The following RAF1 variants were observed in gnomAD, a reference collection of about 807,000 sequenced individuals.
RAF1 encodes the protein RAF proto-oncogene serine/threonine-protein kinase.
Under a neutral mutation model 81.1 loss-of-function variants are expected in RAF1, and 27 were observed. The ratio of observed to expected loss-of-function variants is 0.33; its 90% confidence interval spans 0.25 to 0.46. The LOEUF is 0.46. RAF1 is among the 20% of genes least tolerant of loss of function. The pLI is 1.00. For missense variants in RAF1, 598 were observed against 826.0 expected, an observed-to-expected ratio of 0.72 and a Z score of 3.38; for synonymous variants, 298 against 294.0, an observed-to-expected ratio of 1.01 and a Z score of -0.14.
chr3:12,610,577 A>AC (rs1344636354), intron 3 of RAF1, among the ~76,000 whole-genome samples: 1 of 152,198 alleles, frequency 6.6e-6, no homozygotes, highest in Non-Finnish European at 1.5e-5. Context: ...AACCTGGGCT[A>AC]CCTTCAGCAA....
intron 1 of RAF1, among the ~76,000 whole-genome samples, chr3:12,634,303 C>T (rs939547668): frequency 1.3e-5 from 2 of 151,660 alleles, no homozygotes; most frequent in Non-Finnish European, 2.9e-5. Flanking sequence ...CACACTACCA[C>T]GCCTGGCTAA....
chr3:12,641,011 C>G (rs1009478488), intron 1 of RAF1, among the ~76,000 whole-genome samples: 4 of 152,086 alleles, frequency 2.6e-5, no homozygotes, highest in Admixed American at 1.3e-4. Context: ...GGCACATATA[C>G]ACCACGGAAT....
At chr3:12,644,464 T>C (rs1016229167) in intron 1 of RAF1, among the ~76,000 whole-genome samples, 4 of 152,222 alleles carry the variant, frequency 2.6e-5, no homozygotes, top group Non-Finnish European at 5.9e-5. Flanking sequence ...TTCTGACTAA[T>C]GCAGCAAGCT....
At chr3:12,585,897 AC>A (rs1246648849) in intron 14 of RAF1, 98 bp from the exon 14 acceptor site, 1 of 863,538 alleles carries the variant, frequency 1.2e-6, no homozygotes, top group African/African-American at 1.6e-5. Context: ...TCTCCACCTT[AC>A]CTCTGTCACA....
intron 11 of RAF1, among the ~76,000 whole-genome samples, chr3:12,595,558 C>A (rs1349125286): frequency 6.6e-6 from 1 of 152,084 alleles, no homozygotes; most frequent in African/African-American, 2.4e-5. Context: ...TACCACTGGA[C>A]CTCACTCCTA....
intron 1 of RAF1, among the ~76,000 whole-genome samples, chr3:12,647,778 G>A (rs569539682): frequency 1.3e-5 from 2 of 152,118 alleles, no homozygotes; most frequent in East Asian, 3.9e-4. Flanking sequence ...AATATTTTTC[G>A]TTTCCTCACT....
At chr3:12,585,822 G>T in intron 14 of RAF1, 23 bp from the exon 14 acceptor site, 1 of 1,533,690 alleles carries the variant, frequency 6.5e-7, no homozygotes, top group South Asian at 1.1e-5. Flanking sequence ...TAAGGACTCT[G>T]GTTTCAAAAG....
chr3:12,609,292 T>C lies in RAF1; in HGVS notation c.364A>G (p.Ile122Val). ...AAATCTACTTGAAGTTCTTCTCCAATCAAAGACGCAGCATCAGTATTCCAA... is the reference window on the plus strand; with the variant it reads ...AAATCTACTTGAAGTTCTTCTCCAACCAAAGACGCAGCATCAGTATTCCAA... Residue 122 changes from isoleucine (I) to valine (V), a missense_variant, in exon 4 of 18, where the codon ATT becomes GTT. By Grantham distance (29) the Ile-to-Val change is conservative. Around this residue, in one of 5 missense-constraint regions of RAF1, gnomAD observed 89 missense variants for 169.2 expected, o/e 0.53. Coordinates refer to ENST00000442415, the MANE Select transcript of RAF1 (RefSeq NM_001354689.3). 1 of 1,613,696 alleles carries C rather than the reference T, an allele frequency of 6.2e-7. No individual in the cohort carries two copies. Among genetic ancestry groups the C allele is most frequent in the Non-Finnish European group, 8.5e-7 (1 of 1,179,716 alleles).
chr3:12,640,047 C>A (rs1299201066), intron 1 of RAF1, among the ~76,000 whole-genome samples: 1 of 152,102 alleles, frequency 6.6e-6, no homozygotes, highest in South Asian at 2.1e-4. Flanking sequence ...CAGAACAGAG[C>A]CGCCAGAAAT....
At chr3:12,603,262 T>C (rs1265248821) in intron 8 of RAF1, among the ~76,000 whole-genome samples, 1 of 152,172 alleles carries the variant, frequency 6.6e-6, no homozygotes, top group Non-Finnish European at 1.5e-5. Flanking sequence ...TCATTTCACC[T>C]ATCATCAATA....
chr3:12,634,257 C>G (rs978377053), intron 1 of RAF1, among the ~76,000 whole-genome samples: 14 of 151,370 alleles, frequency 9.2e-5, no homozygotes, highest in African/African-American at 3.4e-4. Flanking sequence ...AGCGATTCTC[C>G]TGCCTCAGCC....
At chr3:12,646,728 A>C (rs2060360005) in intron 1 of RAF1, among the ~76,000 whole-genome samples, 1 of 151,092 alleles carries the variant, frequency 6.6e-6, no homozygotes, top group East Asian at 2.0e-4. Flanking sequence ...TTTTTTGTAT[A>C]TTTAGTAGAG....
At chr3:12,663,181 G>A (rs1195244541) in intron 1 of RAF1, among the ~76,000 whole-genome samples, 1 of 152,142 alleles carries the variant, frequency 6.6e-6, no homozygotes, top group Non-Finnish European at 1.5e-5. Flanking sequence ...GCGTCCCGGC[G>A]GCTCTCGCGT....
intron 1 of RAF1, among the ~76,000 whole-genome samples, chr3:12,646,431 G>C (rs1007902774): frequency 2.6e-5 from 4 of 152,076 alleles, no homozygotes; most frequent in African/African-American, 4.8e-5. Flanking sequence ...CTGGAGTGCA[G>C]TGGCACGATC....
At chr3:12,601,548 A>AT (rs955822123) in intron 8 of RAF1, among the ~76,000 whole-genome samples, 3 of 152,154 alleles carry the variant, frequency 2.0e-5, no homozygotes, top group African/African-American at 7.2e-5. Context: ...AAAAAAGGAC[A>AT]TTTTTTGGGG....
At chr3:12,593,339 C>T (rs563322956) in intron 11 of RAF1, among the ~76,000 whole-genome samples, 26 of 152,272 alleles carry the variant, frequency 1.7e-4, no homozygotes, top group African/African-American at 4.8e-4. Context: ...CCTCGGCCTC[C>T]TGGAGTGCTG....
At chr3:12,592,745 T>TG (rs2058558314) in intron 11 of RAF1, among the ~76,000 whole-genome samples, 2 of 148,462 alleles carry the variant, frequency 1.3e-5, no homozygotes, top group African/African-American at 5.0e-5. Flanking sequence ...TTTTTTTTTT[T>TG]TTTTTTTTGA....
chr3:12,608,395 C>CA (rs2059107266), intron 5 of RAF1: 1 of 192,018 alleles, frequency 5.2e-6, no homozygotes. Context: ...AAGGCTCATT[C>CA]AGCATATTCA....
intron 13 of RAF1, 93 bp downstream of exon 12, chr3:12,590,704 CT>C: frequency 1.5e-6 from 2 of 1,374,962 alleles, no homozygotes; most frequent in Non-Finnish European, 2.1e-6. Flanking sequence ...CACAGAATCG[CT>C]TAATGGACTA....
Sources: gnomAD v4.1 joint callset for allele counts (sites outside exome capture counted in the v4.1 genomes callset) on GRCh38, gnomAD v4.1.1 for gene constraint, gnomAD v4.1.1 regional missense constraint, MANE v1.5 for transcripts, NCBI Gene and HGNC (gene_info 2026-07-23, HGNC 2026-07-21) for gene names.